Variants in PLCZ1 observed in about 807,000 individuals in gnomAD.
PLCZ1 encodes 1-phosphatidylinositol 4,5-bisphosphate phosphodiesterase zeta-1.
Under a neutral mutation model 76.8 loss-of-function variants are expected in PLCZ1, and 64 were observed. The observed-to-expected ratio is 0.83, with a 90% CI of 0.68 to 1.03. The LOEUF (loss-of-function observed/expected upper bound fraction) is 1.03. PLCZ1 is among the 50% of genes least tolerant of loss of function. The pLI is 0.00. For missense variants in PLCZ1, 751 were observed against 713.7 expected, an observed-to-expected ratio of 1.05 and a Z score of -0.60; for synonymous variants, 248 against 230.8, an observed-to-expected ratio of 1.07 and a Z score of -0.68.
chr12:18,737,443 AAATACAATT>A lies in PLCZ1; in HGVS notation c.-81_-73del. On this transcript the variant is annotated 5_prime_UTR_variant, in exon 2 of 15. An upstream open reading frame in the 5' UTR loses its in-frame stop. Coordinates refer to ENST00000266505, the MANE Select transcript of PLCZ1 (RefSeq NM_033123.4). ...CCCAGTAGGTGCTGTCATGGGTTCC[AAATACAATT>A]AACTCTGCCCCTTTGCAGAAAATAA... 1 of 1,595,544 alleles carries A rather than the reference AAATACAATT, an allele frequency of 6.3e-7. No individual in the cohort carries two copies. The highest frequency in any genetic ancestry group is 8.6e-7 in the Non-Finnish European group (1 of 1,163,322).
chr12:18,699,898 T>G lies in PLCZ1; in HGVS notation c.1070A>C (p.Lys357Thr). ...TTGAAAGCTTTTGAATTTCTCAGCT[T>G]TCGTATAAATGACAAGATCAGATAA... ...LALSDLVIYT[K>T]AEKFKSFQHS... The change falls in exon 10 of 15, where the codon AAA becomes ACA. Residue 357 changes from lysine to threonine, a missense_variant. By Grantham distance (78) the Lys-to-Thr change is moderately conservative. Transcript: ENST00000266505. The G allele has an allele frequency of 6.2e-7, 1 of 1,612,698 alleles. No homozygotes were observed. Among genetic ancestry groups the G allele is most frequent in the Non-Finnish European group, 8.5e-7 (1 of 1,179,458 alleles).
At chr12:18,651,502 G>A in the PLCZ1 span, among the ~76,000 whole-genome samples, 1 of 152,106 alleles carries the variant, frequency 6.6e-6, no homozygotes, top group Non-Finnish European at 1.5e-5. Context: ...AGACTATCAG[G>A]AAGTTTAGTT....
chr12:18,699,869 A>C lies in PLCZ1; in HGVS notation c.1099T>G (p.Ser367Ala), dbSNP rs779940838. 6.2e-7 allele frequency: 1 copy of C among 1,613,128 alleles called. No homozygotes were observed. The highest frequency in any genetic ancestry group is 8.5e-7 in the Non-Finnish European group (1 of 1,179,510). The change falls in exon 10 of 15, where the codon TCA (serine) becomes GCA (alanine). Residue 367 changes from serine (S) to alanine (A), a missense_variant. By Grantham distance (99) the Ser-to-Ala change is moderately conservative. Transcript: ENST00000266505. ...KAEKFKSFQH[S>A]RLYQQFNENN... is the part of the protein sequence containing the mutation. ...TCATTAAATTGCTGATATAATCTTG[A>C]ATGTTGAAAGCTTTTGAATTTCTCA... is the stretch of plus-strand genomic sequence containing the variant.
In PLCZ1 at chr12:18,701,634, TCCTCCTC is replaced by T. The variant is rs765150597; in HGVS notation, c.949+51_949+57del. The stretch of plus-strand genomic sequence containing the variant: ...CTCCTCCTCCTCCTCCTCCTCCTCC[TCCTCCTC>T]CTCCTCCTCCTCTCCATCTGCCACT... On this transcript the variant is annotated intron_variant, in intron 8 of 14. Coordinates refer to ENST00000266505, the MANE Select transcript of PLCZ1 (RefSeq NM_033123.4). 3.8e-6 allele frequency: 6 copies of T among 1,591,610 alleles called. No homozygotes were observed. In the South Asian group the frequency reaches 6.8e-5, roughly 18 times the overall value.
the PLCZ1 span, among the ~76,000 whole-genome samples, chr12:18,656,434 C>T: frequency 2.0e-5 from 3 of 151,914 alleles, no homozygotes; most frequent in African/African-American, 4.8e-5. Context: ...GGCATGGTGG[C>T]GGGCGCCTGT....
intron 10 of PLCZ1, among the ~76,000 whole-genome samples, chr12:18,697,325 T>C (rs1161117728): frequency 2.0e-5 from 3 of 152,146 alleles, no homozygotes; most frequent in Non-Finnish European, 4.4e-5. Context: ...AGTTACACAT[T>C]CCTTGAGAGA....
chr12:18,696,150 C>A lies in PLCZ1; in HGVS notation c.1291G>T (p.Val431Leu), dbSNP rs201166300. Residue 431 changes from valine to leucine, a missense_variant and splice_region_variant, in exon 11 of 15, where the codon GTG becomes TTG. Val to Leu is a conservative substitution (Grantham distance 32, BLOSUM62 1). Transcript: ENST00000266505. ...QEFWNIGCQM[V>L]ALNFQTPGLP... ...CAACTCAATATCGTATATAACATACCCATTTGACAACCTATATTCCAAAAT... is the reference window on the plus strand; with the variant it reads ...CAACTCAATATCGTATATAACATACACATTTGACAACCTATATTCCAAAAT... The A allele has an allele frequency of 1.4e-6, 2 of 1,429,052 alleles. No homozygotes were observed. Among genetic ancestry groups the A allele is most frequent in the South Asian group, 2.3e-5 (2 of 86,448 alleles). 88.5% of individuals were successfully genotyped at this position (1,429,052 alleles called of 1,614,324 possible). A position where few individuals can be genotyped will look rare whatever the true frequency, so the allele number is the denominator to read the frequency against.
At chr12:18,708,182 C>T (rs912888212) in intron 6 of PLCZ1, among the ~76,000 whole-genome samples, 1 of 152,204 alleles carries the variant, frequency 6.6e-6, no homozygotes, top group East Asian at 1.9e-4. Context: ...TCCCTCCCCA[C>T]ACCTCGTTCC....
intron 12 of PLCZ1, chr12:18,693,382 A>C (rs1263580409): frequency 6.2e-7 from 1 of 1,604,238 alleles, no homozygotes; most frequent in Middle Eastern, 2.1e-4. Flanking sequence ...GAATCTGTGG[A>C]GCTTCCTCTC....
chr12:18,709,195 TG>T (rs368037428), intron 6 of PLCZ1, among the ~76,000 whole-genome samples: 7 of 152,268 alleles, frequency 4.6e-5, no homozygotes, highest in African/African-American at 1.4e-4. Context: ...TTGTTGTGTA[TG>T]GTATAAGATA....
rs543181047 is a variant in PLCZ1 at position 18,723,547 on chromosome 12, TA to T, written c.136-6del. The T allele has an allele frequency of 1.2e-6, 2 of 1,606,856 alleles. No individual in the cohort carries two copies. The highest frequency in any genetic ancestry group is 8.5e-7 in the Non-Finnish European group (1 of 1,175,088). ...TTGTTTCAGCCTGTCATTGTCCTAC[TA>T]AAAAAATGACTGGTGGGCTCACATT... On this transcript the variant is annotated splice_region_variant and splice_polypyrimidine_tract_variant and intron_variant, in intron 3 of 14. Transcript: ENST00000266505.
chr12:18,664,026 C>A, the PLCZ1 span, among the ~76,000 whole-genome samples: 12 of 152,030 alleles, frequency 7.9e-5, no homozygotes, highest in African/African-American at 2.9e-4. Flanking sequence ...ATTGAAAATG[C>A]AAATCAAAAC....
At chr12:18,725,303 A>G (rs1028029314) in intron 3 of PLCZ1, among the ~76,000 whole-genome samples, 1 of 152,138 alleles carries the variant, frequency 6.6e-6, no homozygotes, top group Non-Finnish European at 1.5e-5. Flanking sequence ...GAAGAAAAGC[A>G]ATAAGAAAGA....
At chr12:18,736,711 TTC>T in intron 2 of PLCZ1, 1 of 1,286,020 alleles carries the variant, frequency 7.8e-7, no homozygotes, top group Non-Finnish European at 1.0e-6. Context: ...TCTGTTTTAG[TTC>T]TCTCTTCCAG....
chr12:18,678,430 T>TA (rs1952142185), downstream of PLCZ1, among the ~76,000 whole-genome samples: 1 of 152,082 alleles, frequency 6.6e-6, no homozygotes, highest in Admixed American at 6.6e-5. Flanking sequence ...AGCATATCCC[T>TA]ATTCAACCAT....
chr12:18,707,486 A>G (rs1336617851), intron 6 of PLCZ1, among the ~76,000 whole-genome samples: 2 of 152,066 alleles, frequency 1.3e-5, no homozygotes, highest in African/African-American at 2.4e-5. Context: ...CCACATTGAA[A>G]GTGGATGTTG....
At chr12:18,655,039 A>G in the PLCZ1 span, among the ~76,000 whole-genome samples, 2 of 112,734 alleles carry the variant, frequency 1.8e-5, no homozygotes, top group East Asian at 4.9e-4. Flanking sequence ...TCTTAAAAGT[A>G]TACAGAAACA....
At chr12:18,725,108 C>T (rs1958675805) in intron 3 of PLCZ1, among the ~76,000 whole-genome samples, 1 of 151,954 alleles carries the variant, frequency 6.6e-6, no homozygotes, top group African/African-American at 2.4e-5. Context: ...AAGAAGAATT[C>T]AAAGTCAAAT....
At chr12:18,660,978 CA>C in the PLCZ1 span, among the ~76,000 whole-genome samples, 1 of 151,786 alleles carries the variant, frequency 6.6e-6, no homozygotes, top group Non-Finnish European at 1.5e-5. Flanking sequence ...CAAATGAAGC[CA>C]AAATGAAATT....
Sources: gnomAD v4.1 joint callset for allele counts (sites outside exome capture counted in the v4.1 genomes callset) on GRCh38, gnomAD v4.1.1 for gene constraint, MANE v1.5 for transcripts, NCBI Gene and HGNC (gene_info 2026-07-23, HGNC 2026-07-21) for gene names.